MEI4: variants seen among roughly 807,000 people sequenced by gnomAD.
MEI4 encodes meiotic double-stranded break formation protein 4, also known as meiosis-specific protein MEI4.
Under a neutral mutation model 31.4 loss-of-function variants are expected in MEI4, and 27 were observed. The ratio of observed to expected loss-of-function variants is 0.86; its 90% CI spans 0.63 to 1.19. The LOEUF is 1.19. Ranked by LOEUF, MEI4 falls within the 50% of genes most tolerant of loss-of-function variation. The probability of loss-of-function intolerance (pLI) is 0.00; values close to 1 mark genes in which losing one functional copy is unlikely to be tolerated. For missense variants in MEI4, 329 were observed against 398.9 expected, an observed-to-expected ratio of 0.82 and a Z score of 1.49; for synonymous variants, 122 against 145.4, an observed-to-expected ratio of 0.84 and a Z score of 1.16.
intron 2 of MEI4, among the ~76,000 whole-genome samples, chr6:77,753,426 A>G (rs1582105010): frequency 6.6e-6 from 1 of 152,320 alleles, no homozygotes. Context: ...CAACCCCATC[A>G]AAAAGTAGGT....
intron 3 of MEI4, among the ~76,000 whole-genome samples, chr6:77,777,033 T>C (rs898878543): frequency 1.3e-5 from 2 of 152,152 alleles, no homozygotes; most frequent in Non-Finnish European, 2.9e-5. Context: ...ACCTAAAATA[T>C]ATACTGGGGG....
intron 2 of MEI4, among the ~76,000 whole-genome samples, chr6:77,732,655 C>T (rs9341687): frequency 6.6e-6 from 1 of 151,786 alleles, no homozygotes; most frequent in South Asian, 2.1e-4. Flanking sequence ...CCAAGACTTC[C>T]AACACTATGT....
At chr6:77,697,313 T>C (rs1766076344) in intron 2 of MEI4, among the ~76,000 whole-genome samples, 1 of 152,188 alleles carries the variant, frequency 6.6e-6, no homozygotes, top group Non-Finnish European at 1.5e-5. Context: ...TGCTAGCTTT[T>C]GAATGTGTTT....
intron 2 of MEI4, among the ~76,000 whole-genome samples, chr6:77,696,874 G>T (rs532251418): frequency 6.6e-6 from 1 of 152,150 alleles, no homozygotes; most frequent in East Asian, 1.9e-4. Context: ...GGTAGAATTC[G>T]GCTGTGAATC....
chr6:77,861,896 CT>C (rs1172813783), intron 4 of MEI4, among the ~76,000 whole-genome samples: 1 of 152,008 alleles, frequency 6.6e-6, no homozygotes. Context: ...TTCTGATGAT[CT>C]TTTTTTATAA....
At chr6:77,812,658 C>A (rs992240649) in intron 3 of MEI4, among the ~76,000 whole-genome samples, 2 of 152,044 alleles carry the variant, frequency 1.3e-5, no homozygotes, top group African/African-American at 4.8e-5. Flanking sequence ...GATGCTTAGA[C>A]TGATCACGTC....
In MEI4 at chr6:77,761,235, A is replaced by C; in HGVS notation, c.338A>C (p.Glu113Ala). Residue 113 changes from glutamate to alanine, a missense_variant, in exon 3 of 5, where the codon GAA becomes GCA. Coordinates refer to ENST00000684080, the MANE Select transcript of MEI4 (RefSeq NM_001322247.2). ...GATTTGTCGAATGAGCAGAGAACTG[A>C]ATCCTCAGACCTGTCCCAGCACTTT... ...GCDLSNEQRTESSDLSQHFVE... is the reference protein window; with the variant it reads ...GCDLSNEQRTASSDLSQHFVE... 2 of 1,232,510 alleles carry C rather than the reference A, an allele frequency of 1.6e-6. No homozygotes were observed. The highest frequency in any genetic ancestry group is 2.0e-6 in the Non-Finnish European group (2 of 988,028). The allele number at this position is 1,232,510 out of a possible 1,614,324, so 76.3% of individuals were successfully genotyped here. A position where few individuals can be genotyped will look rare whatever the true frequency, so the allele number is the denominator to read the frequency against.
chr6:77,697,537 T>G (rs1766083325), intron 2 of MEI4, among the ~76,000 whole-genome samples: 1 of 152,216 alleles, frequency 6.6e-6, no homozygotes. Flanking sequence ...CAGTAGTCAT[T>G]CAGAAGCATG....
chr6:77,841,730 A>C (rs1165227958), intron 4 of MEI4, among the ~76,000 whole-genome samples: 1 of 152,176 alleles, frequency 6.6e-6, no homozygotes, highest in African/African-American at 2.4e-5. Context: ...GCATTTTAAT[A>C]ATTTAAAATA....
At chr6:77,727,798 C>A (rs999163171) in intron 2 of MEI4, among the ~76,000 whole-genome samples, 2 of 152,144 alleles carry the variant, frequency 1.3e-5, no homozygotes, top group Non-Finnish European at 2.9e-5. Flanking sequence ...CTATATAAGG[C>A]CCACTTTAAA....
chr6:77,764,425 G>C (rs1399341842), intron 3 of MEI4, among the ~76,000 whole-genome samples: 1 of 151,688 alleles, frequency 6.6e-6, no homozygotes, highest in Middle Eastern at 3.2e-3. Flanking sequence ...TTTTTAAACT[G>C]TTTCGTTGTT....
intron 1 of MEI4, among the ~76,000 whole-genome samples, chr6:77,658,206 G>T (rs1223457321): frequency 6.6e-6 from 1 of 152,128 alleles, no homozygotes; most frequent in Non-Finnish European, 1.5e-5. Flanking sequence ...CGGGCAGGGG[G>T]TGGGTCTCAC....
chr6:77,747,121 G>A (rs1000202386), intron 2 of MEI4, among the ~76,000 whole-genome samples: 2 of 150,278 alleles, frequency 1.3e-5, no homozygotes, highest in Non-Finnish European at 2.9e-5. Flanking sequence ...AGACCAGCCT[G>A]ACTAACATGG....
chr6:77,686,665 G>C (rs1769060057), intron 1 of MEI4, among the ~76,000 whole-genome samples: 1 of 151,710 alleles, frequency 6.6e-6, no homozygotes, highest in African/African-American at 2.4e-5. Flanking sequence ...TTTTTATATT[G>C]GTAGTTATAA....
chr6:77,741,473 T>A (rs1319310712), intron 2 of MEI4, among the ~76,000 whole-genome samples: 6 of 152,054 alleles, frequency 3.9e-5, no homozygotes, highest in Admixed American at 3.9e-4. Context: ...GTTCAAGAGA[T>A]CATAATGATG....
At chr6:77,731,744 G>T (rs965630173) in intron 2 of MEI4, among the ~76,000 whole-genome samples, 1 of 151,664 alleles carries the variant, frequency 6.6e-6, no homozygotes, top group East Asian at 1.9e-4. Flanking sequence ...TTTTCTTCTA[G>T]GGTTTTTATG....
chr6:77,874,385 C>T (rs574544447), intron 4 of MEI4, among the ~76,000 whole-genome samples: 1 of 152,272 alleles, frequency 6.6e-6, no homozygotes, highest in South Asian at 2.1e-4. Flanking sequence ...TGGGAATTCA[C>T]TCATGATTCA....
rs931936057 is a variant in MEI4, at chr6:77,755,846, G to GTT, written c.233-5283_233-5282insTT. The stretch of plus-strand genomic sequence containing the variant: ...GAATGGTGTGTGTGTGTGTGTGTGT[G>GTT]TGTGTGTGTATTTTACCTCTATTAA... On this transcript the variant is annotated intron_variant, in intron 2 of 4. Coordinates refer to ENST00000684080, the MANE Select transcript of MEI4 (RefSeq NM_001322247.2). Among the ~76,000 whole-genome samples, 87 of 149,824 alleles carry GTT rather than the reference G, an allele frequency of 5.8e-4. 4 individuals carry two copies. The South Asian group carries it at 0.014, about 24-fold the overall frequency.
At chr6:77,891,101 C>T (rs912486811) in intron 4 of MEI4, among the ~76,000 whole-genome samples, 7 of 152,164 alleles carry the variant, frequency 4.6e-5, no homozygotes, top group African/African-American at 1.4e-4. Flanking sequence ...CAGTTTTACT[C>T]TAACATGCAT....
Sources: allele counts gnomAD v4.1 joint callset (sites outside exome capture counted in the v4.1 genomes callset), GRCh38; gene constraint gnomAD v4.1.1; transcripts MANE v1.5; gene names NCBI Gene and HGNC (gene_info 2026-07-23, HGNC 2026-07-21).